The following ACKR2 variants were observed in gnomAD, a reference collection of about 807,000 sequenced individuals.
ACKR2 encodes the protein atypical chemokine receptor 2.
For synonymous variants in ACKR2, 207 were observed against 192.2 expected, an observed-to-expected ratio of 1.08 and a Z score of -0.64; for missense variants, 457 against 477.3, an observed-to-expected ratio of 0.96 and a Z score of 0.40.
chr3:42,811,943 TTC>T (rs1700700081), intron 1 of ACKR2, among the ~76,000 whole-genome samples: 1 of 152,206 alleles, frequency 6.6e-6, no homozygotes, highest in African/African-American at 2.4e-5. Flanking sequence ...CCTGCTGACC[TTC>T]TCCCCATTAT....
intron 2 of ACKR2, among the ~76,000 whole-genome samples, chr3:42,859,802 C>A (rs2088361377): frequency 6.6e-6 from 1 of 152,048 alleles, no homozygotes; most frequent in Non-Finnish European, 1.5e-5. Context: ...GATTTTGTCA[C>A]AACCAGGCCT....
chr3:42,832,790 C>G (rs960197613), intron 2 of ACKR2, among the ~76,000 whole-genome samples: 1 of 152,134 alleles, frequency 6.6e-6, no homozygotes, highest in African/African-American at 2.4e-5. Context: ...ACTTCCTAGG[C>G]TCAAGCGATT....
At chr3:42,838,748 C>A (rs1048837906) in intron 2 of ACKR2, among the ~76,000 whole-genome samples, 1 of 152,092 alleles carries the variant, frequency 6.6e-6, no homozygotes, top group Non-Finnish European at 1.5e-5. Flanking sequence ...AAGATCTGCA[C>A]GTGAATGTTT....
intron 2 of ACKR2, among the ~76,000 whole-genome samples, chr3:42,836,560 T>C (rs1315688419): frequency 2.0e-5 from 3 of 152,226 alleles, no homozygotes; most frequent in African/African-American, 2.4e-5. Flanking sequence ...AAGGGCCCTG[T>C]GGCGTTCTGT....
intron 2 of ACKR2, chr3:42,851,450 C>T: frequency 1.0e-6 from 1 of 985,370 alleles, no homozygotes; most frequent in East Asian, 1.1e-4. Context: ...GTCATTCTGG[C>T]TCCGGTAGGT....
In ACKR2 at chr3:42,828,101, T is replaced by TTTTTC. The variant is rs1294166626; in HGVS notation, c.-38+8412_-38+8416dup. 9.0e-5 allele frequency among the ~76,000 whole-genome samples: 13 copies of TTTTTC among 144,648 alleles called. No homozygotes were observed. In the East Asian group the frequency reaches 1.5e-3, roughly 17 times the overall value. The allele number at this position is 144,648 out of a possible 152,430, so 94.9% of individuals were successfully genotyped here. ...ATATATATATATATATATTTTTTTT[T>TTTTTC]TTTTCTTTTCTTTTCTTTTCTTTTC... is the stretch of plus-strand genomic sequence containing the variant. On this transcript the variant is annotated intron_variant, in intron 2 of 2. Coordinates refer to ENST00000422265, the MANE Select transcript of ACKR2 (RefSeq NM_001296.5).
At position 42,864,454 on chromosome 3, in the gene ACKR2, T is replaced by C; in HGVS notation, c.-37-12T>C. 1.3e-6 allele frequency: 2 copies of C among 1,537,824 alleles called. No individual in the cohort carries two copies. The highest frequency in any genetic ancestry group is 1.3e-5 in the South Asian group (1 of 77,822). On this transcript the variant is annotated splice_polypyrimidine_tract_variant and intron_variant, in intron 2 of 2. Transcript: ENST00000422265. ...AGAGAATGCTAGGTCTCACCATATT[T>C]TCCCCCCGCAGCACTACAGGACGTC...
intron 2 of ACKR2, among the ~76,000 whole-genome samples, chr3:42,830,400 G>A (rs1263455789): frequency 6.6e-6 from 1 of 152,206 alleles, no homozygotes; most frequent in Non-Finnish European, 1.5e-5. Flanking sequence ...ACAGGCATGA[G>A]CCACCACGCC....
At chr3:42,844,573 G>A (rs1701073252) in intron 2 of ACKR2, among the ~76,000 whole-genome samples, 2 of 152,184 alleles carry the variant, frequency 1.3e-5, no homozygotes, top group South Asian at 4.1e-4. Flanking sequence ...CTCACAGCTG[G>A]AAGTCAGCCA....
At chr3:42,815,815 C>A (rs573331319) in intron 1 of ACKR2, among the ~76,000 whole-genome samples, 2 of 152,136 alleles carry the variant, frequency 1.3e-5, no homozygotes, top group Non-Finnish European at 2.9e-5. Context: ...AGGGAGGTAC[C>A]TGGTTCATTC....
chr3:42,821,416 C>G (rs1700808558), intron 2 of ACKR2, among the ~76,000 whole-genome samples: 1 of 151,600 alleles, frequency 6.6e-6, no homozygotes, highest in South Asian at 2.1e-4. Flanking sequence ...CTTCCATTTC[C>G]TACGTGCACT....
chr3:42,862,899 T>G (rs1379363272), intron 2 of ACKR2, among the ~76,000 whole-genome samples: 1 of 152,014 alleles, frequency 6.6e-6, no homozygotes, highest in Non-Finnish European at 1.5e-5. Flanking sequence ...CCTAAAATCG[T>G]AAAACCCTAG....
intron 2 of ACKR2, among the ~76,000 whole-genome samples, chr3:42,843,350 A>G (rs534137500): frequency 2.0e-5 from 3 of 152,276 alleles, no homozygotes; most frequent in Admixed American, 2.0e-4. Context: ...GATTGCAGGC[A>G]TGAGCCACCA....
At chr3:42,838,107 A>C (rs1306363073) in intron 2 of ACKR2, among the ~76,000 whole-genome samples, 1 of 152,214 alleles carries the variant, frequency 6.6e-6, no homozygotes, top group Non-Finnish European at 1.5e-5. Context: ...CATAAGAGAA[A>C]AAAAATCTTT....
At chr3:42,856,217 T>A in intron 2 of ACKR2, 1 of 576,660 alleles carries the variant, frequency 1.7e-6, no homozygotes, top group Non-Finnish European at 3.1e-6. Flanking sequence ...GAGTTGGGCC[T>A]TAGATAAAGC....
At chr3:42,844,044 G>A (rs1417278138) in intron 2 of ACKR2, 1 of 152,172 alleles carries the variant, frequency 6.6e-6, no homozygotes, top group African/African-American at 2.4e-5. Context: ...GAGACCTAGC[G>A]GACAGCCTTT....
chr3:42,849,515 A>G (rs1701130819), intron 2 of ACKR2, among the ~76,000 whole-genome samples: 1 of 152,162 alleles, frequency 6.6e-6, no homozygotes, highest in Admixed American at 6.5e-5. Context: ...AAAAAAAAGC[A>G]AAACCTTAGG....
At chr3:42,834,872 C>T (rs977987032) in intron 2 of ACKR2, among the ~76,000 whole-genome samples, 5 of 151,640 alleles carry the variant, frequency 3.3e-5, no homozygotes, top group Non-Finnish European at 5.9e-5. Context: ...CCACTGTGCC[C>T]GGGCAAATTT....
intron 1 of ACKR2, among the ~76,000 whole-genome samples, chr3:42,816,926 T>G (rs907339972): frequency 1.4e-4 from 22 of 152,180 alleles, no homozygotes; most frequent in South Asian, 4.2e-4. Context: ...AAAAAAAAAT[T>G]TGGTAGAGTG....
Sources: allele counts gnomAD v4.1 joint callset (sites outside exome capture counted in the v4.1 genomes callset), GRCh38; gene constraint gnomAD v4.1.1; transcripts MANE v1.5; gene names NCBI Gene and HGNC (gene_info 2026-07-23, HGNC 2026-07-21).